The following URGCP variants were observed in gnomAD, a reference collection of about 807,000 sequenced individuals.
URGCP encodes upregulator of cell proliferation.
Under a neutral mutation model 24.6 loss-of-function variants are expected in URGCP, and 13 were observed. The observed-to-expected ratio is 0.53, with a 90% CI of 0.34 to 0.84. URGCP has a LOEUF of 0.84. Among genes scored for constraint, URGCP ranks in the 40% least tolerant of loss-of-function variants. The pLI, the probability that URGCP is intolerant of heterozygous loss-of-function variation, is 0.01. For missense variants in URGCP, 899 were observed against 1,194.3 expected, an observed-to-expected ratio of 0.75 and a Z score of 3.64; for synonymous variants, 444 against 487.2, an observed-to-expected ratio of 0.91 and a Z score of 1.17.
chr7:43,924,576 G>C (rs1439090914), intron 1 of URGCP, among the ~76,000 whole-genome samples: 1 of 152,164 alleles, frequency 6.6e-6, no homozygotes, highest in African/African-American at 2.4e-5. Context: ...GATGGCCCAT[G>C]GACTAACAAA....
intron 3 of URGCP, 57 bp downstream of exon 3, chr7:43,887,358 G>A (rs2095863671): frequency 6.2e-7 from 1 of 1,602,046 alleles, no homozygotes; most frequent in South Asian, 1.1e-5. Flanking sequence ...ATCCCAAGGG[G>A]ACAGGAGAAG....
Position 43,878,529 on chromosome 7 carries a change from C to A in URGCP, c.934G>T (p.Val312Leu). The A allele has an allele frequency of 6.2e-7, 1 of 1,614,208 alleles. No homozygotes were observed. The highest frequency in any genetic ancestry group is 8.5e-7 in the Non-Finnish European group (1 of 1,180,044). Residue 312 changes from valine (V) to leucine (L), a missense_variant, in exon 6 of 6, where the codon GTA (valine) becomes TTA (leucine). Val to Leu is a conservative substitution (Grantham distance 32). Transcript: ENST00000453200. The surrounding 1 kb of genome is among the most constrained non-coding windows in gnomAD (Gnocchi z 5.6). ...CTGGGAAAAAACCAGGAAATTTCTA[C>A]CAACCCATCCGAAATCTCCCGGGCA... ...TNAREISDGL[V>L]EISWFFPSGR...
chr7:43,898,916 A>G (rs981585766), intron 1 of URGCP, among the ~76,000 whole-genome samples: 12 of 148,612 alleles, frequency 8.1e-5, no homozygotes, highest in African/African-American at 2.9e-4. Flanking sequence ...CAGGCAGATT[A>G]CCTGAAGTCA....
At position 43,877,502 on chromosome 7, in the gene URGCP, A is replaced by G; in HGVS notation, c.1961T>C (p.Leu654Pro). The change falls in exon 6 of 6, where the codon CTG becomes CCG. Residue 654 changes from leucine to proline, a missense_variant. Coordinates refer to ENST00000453200, the MANE Select transcript of URGCP (RefSeq NM_001077663.3). ...TAGCTCCAGAGGCAGCCCTGTCAGCAGCAGCTCCGAGGCCAAGCCTGGGAA... is the reference window on the plus strand; with the variant it reads ...TAGCTCCAGAGGCAGCCCTGTCAGCGGCAGCTCCGAGGCCAAGCCTGGGAA... ...AHFPGLASEL[L>P]LTGLPLELID... The G allele has an allele frequency of 6.2e-7, 1 of 1,613,320 alleles. No homozygotes were observed.
At chr7:43,902,962 C>T (rs563922666) in intron 1 of URGCP, among the ~76,000 whole-genome samples, 5 of 152,144 alleles carry the variant, frequency 3.3e-5, no homozygotes, top group African/African-American at 1.2e-4. Context: ...AATAATGTAA[C>T]CATGCCATGG....
chr7:43,923,222 T>C (rs944897962), intron 1 of URGCP, among the ~76,000 whole-genome samples: 2 of 151,494 alleles, frequency 1.3e-5, no homozygotes, highest in African/African-American at 4.9e-5. Flanking sequence ...GACCTCATGA[T>C]CTGCCCTCTT....
chr7:43,877,829 G>C lies in URGCP; in HGVS notation c.1634C>G (p.Ser545Cys). The C allele has an allele frequency of 6.2e-7, 1 of 1,609,764 alleles. No homozygotes were observed. The highest frequency in any genetic ancestry group is 8.5e-7 in the Non-Finnish European group (1 of 1,177,794). ...CGAGATGAACTCCTGCACCCCCGAG[G>C]AGGGATCATGGCCGTTCTGCTGCAT... ...LRMQQNGHDP[S>C]SGVQEFISGI... is the part of the protein sequence containing the mutation. The change falls in exon 6 of 6, where the codon TCC becomes TGC. Residue 545 changes from serine (S) to cysteine (C), a missense_variant. Coordinates refer to ENST00000453200, the MANE Select transcript of URGCP (RefSeq NM_001077663.3).
At position 43,882,254 on chromosome 7, in the gene URGCP, C is replaced by T. The variant is rs1456843544; in HGVS notation, c.113-297G>A. Among the ~76,000 whole-genome samples, 4 of 152,286 alleles carry T rather than the reference C, an allele frequency of 2.6e-5. No homozygotes were observed. The East Asian group carries it at 7.7e-4, about 29-fold the overall frequency. On this transcript the variant is annotated intron_variant, in intron 3 of 5. Coordinates refer to ENST00000453200, the MANE Select transcript of URGCP (RefSeq NM_001077663.3). ...AGGAATTTGAGACCAGCCAGCCTGG[C>T]CAACATGGCGAAAAACCATCTCTAC...
intron 1 of URGCP, chr7:43,919,321 C>A: frequency 2.4e-6 from 2 of 830,828 alleles, no homozygotes; most frequent in South Asian, 1.3e-5. Context: ...CACAACACAG[C>A]CCTGAACCAG....
rs60736722 is a variant in URGCP at position 43,925,798 on chromosome 7, C to CTTTTTTTTTTTTTTTT, written c.-116+318_-116+333dup. Among the ~76,000 whole-genome samples the CTTTTTTTTTTTTTTTT allele has an allele frequency of 6.9e-5, 8 of 116,542 alleles. 1 individual carries two copies. The highest frequency in any genetic ancestry group is 1.0e-4 in the Non-Finnish European group (6 of 58,638). The allele number at this position is 116,542 out of a possible 152,430, so 76.5% of individuals were successfully genotyped here. A position where few individuals can be genotyped will look rare whatever the true frequency, so the allele number is the denominator to read the frequency against. On this transcript the variant is annotated intron_variant, in intron 1 of 5. Transcript: ENST00000426198. ...TATAGGCGTGAGCCACCTCGTCTGG[C>CTTTTTTTTTTTTTTTT]TTTTTTTTTTTTTTTTTCAAAAAAA...
At chr7:43,903,122 T>TAA (rs779117995) in intron 1 of URGCP, among the ~76,000 whole-genome samples, 234 of 130,024 alleles carry the variant, frequency 1.8e-3, no homozygotes, top group African/African-American at 6.1e-3. Flanking sequence ...CCACTGCTAT[T>TAA]AAAAAAAAAA....
chr7:43,900,049 G>A (rs1562583764), intron 1 of URGCP, among the ~76,000 whole-genome samples: 1 of 152,088 alleles, frequency 6.6e-6, no homozygotes, highest in Non-Finnish European at 1.5e-5. Context: ...GGAGGCTGAG[G>A]CAGGAGGAAT....
chr7:43,906,088 G>C (rs965995566), intron 1 of URGCP: 1 of 152,118 alleles, frequency 6.6e-6, no homozygotes, highest in Non-Finnish European at 1.5e-5. Flanking sequence ...ACGTCTCAAC[G>C]ACGCGGCAAA....
At chr7:43,881,801 T>G in intron 4 of URGCP, 104 bp from the exon 5 acceptor site, 1 of 1,606,636 alleles carries the variant, frequency 6.2e-7, no homozygotes, top group Non-Finnish European at 8.5e-7. Context: ...CTCACCAAGA[T>G]GGCAACTTCT....
In URGCP at chr7:43,877,888, C is replaced by A; in HGVS notation, c.1575G>T (p.Arg525Ser). ...QWAVDPPEKHRAELRRRLLEL... is the reference protein window; with the variant it reads ...QWAVDPPEKHSAELRRRLLEL... Reference sequence around the variant, plus strand: ...CTAGCAGCCGCCGCCTCAGCTCAGCCCTGTGCTTCTCAGGGGGGTCCACGG... The same window carrying A: ...CTAGCAGCCGCCGCCTCAGCTCAGCACTGTGCTTCTCAGGGGGGTCCACGG... Residue 525 changes from arginine (R) to serine (S), a missense_variant, in exon 6 of 6, where the codon AGG becomes AGT. By Grantham distance (110) the Arg-to-Ser change is moderately radical (BLOSUM62 -1). Transcript: ENST00000453200. 6.2e-7 allele frequency: 1 copy of A among 1,613,826 alleles called. No homozygotes were observed. The highest frequency in any genetic ancestry group is 1.1e-5 in the South Asian group (1 of 91,070).
chr7:43,925,607 C>T (rs1291311360), intron 1 of URGCP, among the ~76,000 whole-genome samples: 1 of 152,052 alleles, frequency 6.6e-6, no homozygotes, highest in Non-Finnish European at 1.5e-5. Flanking sequence ...TCAAGTGATT[C>T]TCGTGCCTCA....
At chr7:43,890,212 A>ATTT (rs2095868519) in intron 1 of URGCP, among the ~76,000 whole-genome samples, 1 of 112,802 alleles carries the variant, frequency 8.9e-6, no homozygotes. Context: ...GCCACTGGAA[A>ATTT]CTTTTTTTTT....
chr7:43,911,631 AG>A (rs2095910290), intron 1 of URGCP, among the ~76,000 whole-genome samples: 1 of 152,202 alleles, frequency 6.6e-6, no homozygotes, highest in Admixed American at 6.5e-5. Flanking sequence ...TGGGAGGTGG[AG>A]GTTGTAGTTA....
chr7:43,882,031 G>A, intron 3 of URGCP, 74 bp from the exon 4 acceptor site: 3 of 1,605,250 alleles, frequency 1.9e-6, no homozygotes, highest in South Asian at 2.2e-5. Context: ...AATTTCAAGT[G>A]CTCATGCCTG....
Sources: allele counts gnomAD v4.1 joint callset (sites outside exome capture counted in the v4.1 genomes callset), GRCh38; gene constraint gnomAD v4.1.1; non-coding constraint Gnocchi (gnomAD v3.1); transcripts MANE v1.5; gene names NCBI Gene and HGNC (gene_info 2026-07-23, HGNC 2026-07-21).